The following ILKAP variants were observed in gnomAD, a reference collection of about 807,000 sequenced individuals.
The protein encoded by ILKAP is ILK associated serine/threonine phosphatase, also known as integrin-linked kinase-associated serine/threonine phosphatase 2C.
A neutral mutation model predicts 49.1 loss-of-function variants in ILKAP; 11 were observed. The observed-to-expected ratio is 0.22, with a 90% CI of 0.14 to 0.37. The LOEUF is 0.37. Among genes scored for constraint, ILKAP ranks in the 10% least tolerant of loss-of-function variants. The pLI is 1.00. For missense variants in ILKAP, 363 were observed against 510.8 expected, an observed-to-expected ratio of 0.71 and a Z score of 2.79; for synonymous variants, 186 against 192.8, an observed-to-expected ratio of 0.96 and a Z score of 0.29.
intron 10 of ILKAP, among the ~76,000 whole-genome samples, chr2:238,171,715 G>T (rs1339104874): frequency 6.6e-6 from 1 of 152,168 alleles, no homozygotes; most frequent in Admixed American, 6.5e-5. Flanking sequence ...ACCACTTCCA[G>T]ACATAAAGCT....
At chr2:238,190,383 C>A (rs913920862) in intron 3 of ILKAP, among the ~76,000 whole-genome samples, 5 of 152,086 alleles carry the variant, frequency 3.3e-5, no homozygotes, top group African/African-American at 1.2e-4. Context: ...CGAAAAGGCT[C>A]AAAATGAGGT....
intron 3 of ILKAP, among the ~76,000 whole-genome samples, chr2:238,192,546 A>G (rs1694177009): frequency 6.6e-6 from 1 of 151,932 alleles, no homozygotes; most frequent in Admixed American, 6.6e-5. Context: ...AAAAATACAA[A>G]AAAATTAGGT....
intron 4 of ILKAP, 112 bp from the exon 5 acceptor site, chr2:238,188,369 A>C: frequency 1.5e-6 from 2 of 1,301,312 alleles, no homozygotes; most frequent in Non-Finnish European, 2.1e-6. Context: ...GCAATATCCT[A>C]ATGGCGCAAA....
At position 238,194,889 on chromosome 2, in the gene ILKAP, G is replaced by C. The variant is rs367972870; in HGVS notation, c.56-19C>G. On this transcript the variant is annotated intron_variant, in intron 1 of 11. Transcript: ENST00000254654. ...TCTTTCCCTAAAACACAGAAAACCT[G>C]TTTAGAGAGCATATGGTCATCACCC... 74 of 1,588,118 alleles carry C rather than the reference G, an allele frequency of 4.7e-5. No homozygotes were observed. Among genetic ancestry groups the C allele is most frequent in the Non-Finnish European group, 6.0e-5 (69 of 1,156,288 alleles).
At chr2:238,179,391 G>T (rs1297349345) in intron 9 of ILKAP, among the ~76,000 whole-genome samples, 1 of 152,166 alleles carries the variant, frequency 6.6e-6, no homozygotes, top group African/African-American at 2.4e-5. Context: ...TTTTTTAGAA[G>T]AATCTATGAT....
At chr2:238,192,689 G>C (rs888681821) in intron 3 of ILKAP, among the ~76,000 whole-genome samples, 11 of 138,834 alleles carry the variant, frequency 7.9e-5, no homozygotes, top group African/African-American at 5.4e-5. Flanking sequence ...AACAGAGAGA[G>C]AGACAGTCTC....
chr2:238,190,880 A>T (rs1235529780), intron 3 of ILKAP, among the ~76,000 whole-genome samples: 2 of 49,196 alleles, frequency 4.1e-5, no homozygotes, highest in South Asian at 7.6e-4. Context: ...TTCTCTTTAA[A>T]AAAAAAAAAA....
chr2:238,188,034 T>TA, intron 5 of ILKAP, 97 bp downstream of exon 5: 1 of 1,366,324 alleles, frequency 7.3e-7, no homozygotes, highest in South Asian at 1.3e-5. Context: ...AGTGATGTGT[T>TA]AGATTTTCTA....
chr2:238,200,802 G>A (rs1050728258), intron 1 of ILKAP, among the ~76,000 whole-genome samples: 18 of 152,208 alleles, frequency 1.2e-4, no homozygotes, highest in East Asian at 3.8e-4. Context: ...CAGCCTGGGC[G>A]ACACAATGAG....
At chr2:238,188,289 A>T in intron 4 of ILKAP, 32 bp from the exon 5 acceptor site, 1 of 1,607,274 alleles carries the variant, frequency 6.2e-7, no homozygotes, top group Non-Finnish European at 8.5e-7. Flanking sequence ...AGCCAATACA[A>T]AACTGTGCCC....
intron 3 of ILKAP, among the ~76,000 whole-genome samples, chr2:238,190,748 A>C (rs531519273): frequency 3.7e-4 from 56 of 152,226 alleles, no homozygotes; most frequent in Admixed American, 5.2e-4. Flanking sequence ...TTAGGTATAA[A>C]AGTATGCAAC....
intron 3 of ILKAP, among the ~76,000 whole-genome samples, chr2:238,190,513 G>C (rs1004488365): frequency 1.3e-5 from 2 of 152,186 alleles, no homozygotes; most frequent in Non-Finnish European, 2.9e-5. Flanking sequence ...TGCAGTGTAT[G>C]TGTTTGAAAT....
At position 238,200,459 on chromosome 2, in the gene ILKAP, C is replaced by T. The variant is rs1051364884; in HGVS notation, c.55+3040G>A. On this transcript the variant is annotated intron_variant, in intron 1 of 11. Transcript: ENST00000254654. ...GATGTGATATAAGCAGTGTAGTATT[C>T]TCCCTTTGGACACTCAGTGCTTTCC... Among the ~76,000 whole-genome samples the T allele has an allele frequency of 2.0e-5, 3 of 152,208 alleles. No individual in the cohort carries two copies. In the East Asian group the frequency reaches 5.8e-4, roughly 29 times the overall value.
At chr2:238,203,053 C>A (rs1694638277) in intron 1 of ILKAP, among the ~76,000 whole-genome samples, 1 of 151,974 alleles carries the variant, frequency 6.6e-6, no homozygotes, top group African/African-American at 2.4e-5. Flanking sequence ...GCCCGGAACG[C>A]GGCCGTTCCA....
chr2:238,173,507 A>G, intron 10 of ILKAP, 27 bp downstream of exon 10: 1 of 1,575,816 alleles, frequency 6.3e-7, no homozygotes, highest in Non-Finnish European at 8.6e-7. Context: ...ATGCACACAC[A>G]CCTGTGCCTC....
chr2:238,171,429 G>C (rs181824848), intron 10 of ILKAP, among the ~76,000 whole-genome samples: 185 of 152,268 alleles, frequency 1.2e-3, no homozygotes, highest in African/African-American at 4.4e-3. Flanking sequence ...CCAAAGTGCT[G>C]GGATTACAGG....
rs573607251 is a variant in ILKAP at position 238,181,353 on chromosome 2, T to G, written c.836+712A>C. On this transcript the variant is annotated intron_variant, in intron 9 of 11. Transcript: ENST00000254654. ...TAATGCAATGTCCTTGAAGTGGAAT[T>G]CTAAAGAAAAGACTTATGCCCTCCT... Among the ~76,000 whole-genome samples, 58 of 152,340 alleles carry G rather than the reference T, an allele frequency of 3.8e-4. 1 individual carries two copies. The South Asian group carries it at 4.3e-3, about 11-fold the overall frequency.
intron 1 of ILKAP, among the ~76,000 whole-genome samples, chr2:238,196,441 G>T (rs531387400): frequency 6.6e-6 from 1 of 151,702 alleles, no homozygotes; most frequent in Non-Finnish European, 1.5e-5. Flanking sequence ...TGGCCAGGTT[G>T]GTCTCAAACT....
chr2:238,202,534 A>G (rs903965995), intron 1 of ILKAP, among the ~76,000 whole-genome samples: 1 of 152,162 alleles, frequency 6.6e-6, no homozygotes, highest in Non-Finnish European at 1.5e-5. Flanking sequence ...ATTTAGTAAC[A>G]GATTCGGAAA....
Sources: gnomAD v4.1 joint callset for allele counts (sites outside exome capture counted in the v4.1 genomes callset) on GRCh38, gnomAD v4.1.1 for gene constraint, MANE v1.5 for transcripts, NCBI Gene and HGNC (gene_info 2026-07-23, HGNC 2026-07-21) for gene names.